The following CNTN4 variants were observed in gnomAD, a reference collection of about 807,000 sequenced individuals.
CNTN4 encodes the protein contactin 4.
In CNTN4, 77 loss-of-function variants were observed where a neutral mutation model predicts 122.5. The ratio of observed to expected loss-of-function variants is 0.63; its 90% CI spans 0.52 to 0.76. CNTN4 has a LOEUF of 0.76. Ranked by LOEUF, CNTN4 falls within the 30% of genes least tolerant of loss-of-function variation. The pLI, the probability that CNTN4 is intolerant of heterozygous loss-of-function variation, is 0.00. For missense variants in CNTN4, 1,256 were observed against 1,259.1 expected, an observed-to-expected ratio of 1.00 and a Z score of 0.04; for synonymous variants, 512 against 447.0, an observed-to-expected ratio of 1.15 and a Z score of -1.83.
chr3:3,019,464 G>T (rs1698070084), intron 14 of CNTN4, among the ~76,000 whole-genome samples: 1 of 151,640 alleles, frequency 6.6e-6, no homozygotes, highest in African/African-American at 2.4e-5. Context: ...ACTAGTTTTT[G>T]TATTTTTTTT....
At chr3:2,560,020 A>C (rs186165634) in intron 3 of CNTN4, among the ~76,000 whole-genome samples, 31 of 152,330 alleles carry the variant, frequency 2.0e-4, no homozygotes, top group Admixed American at 1.5e-3. Context: ...CAGGATCTTG[A>C]ATACACAGTT....
intron 3 of CNTN4, among the ~76,000 whole-genome samples, chr3:2,557,774 G>A (rs1288161300): frequency 2.6e-5 from 4 of 151,404 alleles, no homozygotes; most frequent in Non-Finnish European, 5.9e-5. Flanking sequence ...AAAATGCATG[G>A]TAATCTTGGT....
At chr3:3,022,419 A>C (rs1698384046) in intron 14 of CNTN4, among the ~76,000 whole-genome samples, 1 of 152,168 alleles carries the variant, frequency 6.6e-6, no homozygotes, top group Non-Finnish European at 1.5e-5. Context: ...CAAAATATAA[A>C]ACAGCGTAGT....
chr3:2,436,499 C>T (rs1051867914), intron 3 of CNTN4, among the ~76,000 whole-genome samples: 9 of 152,020 alleles, frequency 5.9e-5, no homozygotes, highest in Non-Finnish European at 1.3e-4. Context: ...AGTATTTTCT[C>T]TTAGGTGTTT....
At chr3:2,775,523 G>A (rs1330195980) in intron 6 of CNTN4, among the ~76,000 whole-genome samples, 1 of 152,126 alleles carries the variant, frequency 6.6e-6, no homozygotes, top group East Asian at 1.9e-4. Flanking sequence ...AAGTTCAAGT[G>A]ATTCTCATGC....
intron 2 of CNTN4, among the ~76,000 whole-genome samples, chr3:2,156,736 A>T (rs557529840): frequency 6.6e-6 from 1 of 152,300 alleles, no homozygotes; most frequent in African/African-American, 2.4e-5. Context: ...GGATAAGAAT[A>T]TGTGAATCTT....
chr3:2,698,749 C>G (rs948930875), intron 4 of CNTN4, among the ~76,000 whole-genome samples: 1 of 152,118 alleles, frequency 6.6e-6, no homozygotes, highest in African/African-American at 2.4e-5. Flanking sequence ...ATGGCAGAGT[C>G]TGTTTTAAGA....
intron 12 of CNTN4, among the ~76,000 whole-genome samples, chr3:2,916,368 T>C (rs2094354774): frequency 1.3e-5 from 2 of 149,150 alleles, no homozygotes; most frequent in Admixed American, 6.7e-5. Flanking sequence ...AGTGTTTGTG[T>C]CCCTGGGTAC....
intron 2 of CNTN4, among the ~76,000 whole-genome samples, chr3:2,195,648 A>G (rs747060999): frequency 2.0e-5 from 3 of 152,178 alleles, no homozygotes; most frequent in Non-Finnish European, 4.4e-5. Context: ...ACACCTTTAC[A>G]TGTTTGGCAC....
intron 4 of CNTN4, among the ~76,000 whole-genome samples, chr3:2,659,367 C>A (rs1375924666): frequency 6.8e-6 from 1 of 147,642 alleles, no homozygotes; most frequent in African/African-American, 2.5e-5. Flanking sequence ...GAGGCTGAGG[C>A]AGGAGAATCA....
intron 13 of CNTN4, among the ~76,000 whole-genome samples, chr3:2,943,454 A>G (rs2094636816): frequency 6.6e-6 from 1 of 151,930 alleles, no homozygotes; most frequent in African/African-American, 2.4e-5. Context: ...GAGAAGGAAC[A>G]CTCGGCAGGT....
chr3:2,922,335 C>T (rs1409760932), intron 12 of CNTN4, among the ~76,000 whole-genome samples: 2 of 152,152 alleles, frequency 1.3e-5, no homozygotes, highest in Non-Finnish European at 2.9e-5. Context: ...CTTCAAACCT[C>T]CCCTAGGTCA....
rs199999744 is a variant in CNTN4 at position 2,183,964 on chromosome 3, A to G, written c.-145+83325A>G. On this transcript the variant is annotated intron_variant, in intron 2 of 24. Coordinates refer to ENST00000418658, the MANE Select transcript of CNTN4 (RefSeq NM_175607.3). ...GTAGTGAAATATATTTTGTTCACAT[A>G]AACTGAATTTTTTTTTTCTTTTTTT... Among the ~76,000 whole-genome samples, 12 of 152,094 alleles carry G rather than the reference A, an allele frequency of 7.9e-5. No individual in the cohort carries two copies. In the East Asian group the frequency reaches 2.3e-3, roughly 29 times the overall value.
intron 4 of CNTN4, among the ~76,000 whole-genome samples, chr3:2,731,645 C>T: frequency 6.6e-6 from 1 of 152,214 alleles, no homozygotes; most frequent in East Asian, 1.9e-4. Flanking sequence ...CCTTCCCCTC[C>T]TCTAATAATG....
At chr3:2,614,017 ACATTCTATTGT>A (rs2081608637) in intron 4 of CNTN4, among the ~76,000 whole-genome samples, 1 of 152,222 alleles carries the variant, frequency 6.6e-6, no homozygotes. Flanking sequence ...CAAAGAGCTA[ACATTCTATTGT>A]GAGAAAAAAA....
intron 7 of CNTN4, among the ~76,000 whole-genome samples, chr3:2,831,783 A>C (rs1576978284): frequency 6.6e-6 from 1 of 152,216 alleles, no homozygotes; most frequent in Admixed American, 6.5e-5. Flanking sequence ...TACTTTGTGA[A>C]GTAGTGTGGA....
chr3:2,584,067 A>C (rs748804699), intron 4 of CNTN4, among the ~76,000 whole-genome samples: 35 of 152,184 alleles, frequency 2.3e-4, no homozygotes, highest in Non-Finnish European at 4.1e-4. Flanking sequence ...AAATTGCTTA[A>C]TTCTCTGAGA....
chr3:2,571,731 CTT>C (rs1297055096), intron 4 of CNTN4, among the ~76,000 whole-genome samples, 173 bp downstream of exon 4: 1 of 152,188 alleles, frequency 6.6e-6, no homozygotes, highest in Non-Finnish European at 1.5e-5. Flanking sequence ...TTTAGTGACT[CTT>C]TTCATGGTGT....
At chr3:2,961,595 T>G (rs17023681) in intron 13 of CNTN4, among the ~76,000 whole-genome samples, 35,882 of 152,036 alleles carry the variant, frequency 0.24, 4,281 homozygotes, top group Middle Eastern at 0.34. Context: ...CAAATGTTGT[T>G]AAATCCCTGC....
Sources: gnomAD v4.1 joint callset for allele counts (sites outside exome capture counted in the v4.1 genomes callset) on GRCh38, gnomAD v4.1.1 for gene constraint, MANE v1.5 for transcripts, NCBI Gene and HGNC (gene_info 2026-07-23, HGNC 2026-07-21) for gene names.